PPM1H: variants seen among roughly 807,000 people sequenced by gnomAD.
The protein encoded by PPM1H is protein phosphatase, Mg2+/Mn2+ dependent 1H.
In PPM1H, 27 loss-of-function variants were observed where a neutral mutation model predicts 54.9. The observed-to-expected ratio is 0.49, with a 90% CI of 0.36 to 0.68. PPM1H has a LOEUF of 0.68. PPM1H is among the 30% of genes least tolerant of loss of function. The pLI is 0.00. For missense variants in PPM1H, 596 were observed against 667.8 expected (o/e 0.89, Z 1.19); for synonymous variants, 305 against 270.8 (o/e 1.13, Z -1.24).
intron 4 of PPM1H, among the ~76,000 whole-genome samples, chr12:62,740,933 G>A (rs1219055802): frequency 6.6e-6 from 1 of 152,248 alleles, no homozygotes; most frequent in East Asian, 1.9e-4. Context: ...CTCCAACAAC[G>A]ACATATGCTG....
chr12:62,830,396 CA>C (rs1868338261), intron 2 of PPM1H, among the ~76,000 whole-genome samples: 1 of 152,146 alleles, frequency 6.6e-6, no homozygotes, highest in African/African-American at 2.4e-5. Context: ...GCTGGGACTA[CA>C]GGCACCCGCC....
At chr12:62,868,757 C>T (rs1340972478) in intron 1 of PPM1H, among the ~76,000 whole-genome samples, 1 of 152,238 alleles carries the variant, frequency 6.6e-6, no homozygotes, top group East Asian at 1.9e-4. Flanking sequence ...GCAGCAGCCA[C>T]TGGCACACAA....
At chr12:62,690,588 A>T (rs957017702) in intron 7 of PPM1H, among the ~76,000 whole-genome samples, 2 of 152,194 alleles carry the variant, frequency 1.3e-5, no homozygotes, top group African/African-American at 4.8e-5. Flanking sequence ...TATGCTGAAG[A>T]TCTGATTTAC....
chr12:62,873,809 G>C (rs1592647681), intron 1 of PPM1H, among the ~76,000 whole-genome samples: 1 of 152,156 alleles, frequency 6.6e-6, no homozygotes, highest in Non-Finnish European at 1.5e-5. Flanking sequence ...AAAGTTTAAG[G>C]AGATAATTAC....
chr12:62,886,735 T>C (rs1448367294), intron 1 of PPM1H, among the ~76,000 whole-genome samples: 1 of 152,250 alleles, frequency 6.6e-6, no homozygotes, highest in African/African-American at 2.4e-5. Flanking sequence ...GGAATGTCTT[T>C]AAATAGTTGT....
intron 6 of PPM1H, among the ~76,000 whole-genome samples, chr12:62,702,377 C>T (rs982047178): frequency 6.6e-6 from 1 of 152,148 alleles, no homozygotes; most frequent in Non-Finnish European, 1.5e-5. Context: ...GCAAGTTCCT[C>T]CTTTAAAGTT....
chr12:62,886,421 G>A (rs189986381), intron 1 of PPM1H, among the ~76,000 whole-genome samples: 3 of 152,172 alleles, frequency 2.0e-5, no homozygotes, highest in South Asian at 2.1e-4. Context: ...TGGATTATCC[G>A]ATTAAAATTC....
chr12:62,734,228 T>C (rs147320738), intron 5 of PPM1H, among the ~76,000 whole-genome samples: 19 of 152,172 alleles, frequency 1.2e-4, no homozygotes, highest in African/African-American at 4.6e-4. Flanking sequence ...ACCAGCACCT[T>C]GATGTTGGAC....
At chr12:62,806,058 A>C (rs2652031) in intron 2 of PPM1H, among the ~76,000 whole-genome samples, 14,498 of 152,248 alleles carry the variant, frequency 0.095, 748 homozygotes, top group South Asian at 0.16. Context: ...AACACTAAGA[A>C]AAATAAATAT....
At chr12:62,898,774 A>C (rs1871072921) in intron 1 of PPM1H, among the ~76,000 whole-genome samples, 1 of 152,158 alleles carries the variant, frequency 6.6e-6, no homozygotes, top group Admixed American at 6.5e-5. Flanking sequence ...TGCCTGTATG[A>C]CTCATGGAAA....
chr12:62,729,661 G>A (rs993739729), intron 5 of PPM1H, among the ~76,000 whole-genome samples: 4 of 152,188 alleles, frequency 2.6e-5, no homozygotes, highest in Non-Finnish European at 5.9e-5. Context: ...CCCCAAAGGG[G>A]CACTATTCCA....
chr12:62,908,949 G>T (rs944510259), intron 1 of PPM1H, among the ~76,000 whole-genome samples: 1 of 152,036 alleles, frequency 6.6e-6, no homozygotes, highest in Admixed American at 6.5e-5. Flanking sequence ...ATTGGAACTT[G>T]GGCCAATGGA....
intron 1 of PPM1H, among the ~76,000 whole-genome samples, chr12:62,863,309 A>G (rs1869667865): frequency 6.6e-6 from 1 of 152,102 alleles, no homozygotes; most frequent in Admixed American, 6.6e-5. Flanking sequence ...GATTACAGGC[A>G]TGAGCGACTG....
intron 1 of PPM1H, among the ~76,000 whole-genome samples, chr12:62,838,802 T>A (rs1216026416): frequency 1.5e-5 from 2 of 130,516 alleles, no homozygotes; most frequent in South Asian, 2.5e-4. Context: ...GCGCCTGTAG[T>A]CCCAGCTACT....
intron 8 of PPM1H, among the ~76,000 whole-genome samples, chr12:62,672,430 C>T (rs1357601893): frequency 2.6e-5 from 4 of 152,192 alleles, no homozygotes; most frequent in Non-Finnish European, 5.9e-5. Context: ...TTTTCTGTCT[C>T]TTCTAAAAGA....
chr12:62,899,136 T>C (rs1871082749), intron 1 of PPM1H, among the ~76,000 whole-genome samples: 1 of 152,206 alleles, frequency 6.6e-6, no homozygotes, highest in South Asian at 2.1e-4. Flanking sequence ...AGATATATCA[T>C]AGCATAATGG....
At chr12:62,776,460 T>A (rs567544014) in intron 4 of PPM1H, among the ~76,000 whole-genome samples, 1 of 152,232 alleles carries the variant, frequency 6.6e-6, no homozygotes, top group Non-Finnish European at 1.5e-5. Flanking sequence ...GCAAGCTCCA[T>A]GAAGGCAGGG....
chr12:62,720,636 G>A (rs1204035293), intron 5 of PPM1H: 2 of 227,368 alleles, frequency 8.8e-6, no homozygotes, highest in African/African-American at 2.3e-5. Flanking sequence ...GCTCCCTGAC[G>A]TGGTCTTTTC....
intron 1 of PPM1H, among the ~76,000 whole-genome samples, chr12:62,854,666 G>A (rs1054288636): frequency 7.2e-5 from 11 of 152,074 alleles, no homozygotes; most frequent in South Asian, 2.1e-4. Flanking sequence ...TAGATTCATC[G>A]TAAGTAATCG....
Sources: allele counts gnomAD v4.1 joint callset (sites outside exome capture counted in the v4.1 genomes callset), GRCh38; gene constraint gnomAD v4.1.1; transcripts MANE v1.5; gene names NCBI Gene and HGNC (gene_info 2026-07-23, HGNC 2026-07-21).